The following ANO1 variants were observed in gnomAD, a reference collection of about 807,000 sequenced individuals.
The protein encoded by ANO1 is anoctamin 1, also known as anoctamin-1.
ANO1 carries 59 observed loss-of-function variants against 124.0 expected under a neutral mutation model. The observed-to-expected ratio is 0.48, with a 90% CI of 0.39 to 0.59. ANO1 has a LOEUF of 0.59. Ranked by LOEUF, ANO1 falls within the 20% of genes least tolerant of loss-of-function variation. ANO1 has a pLI of 0.00. For synonymous variants in ANO1, 529 were observed against 532.0 expected, an observed-to-expected ratio of 0.99 and a Z score of 0.08; for missense variants, 1,059 against 1,328.0, an observed-to-expected ratio of 0.80 and a Z score of 3.15.
chr11:69,976,402 G>C, the ANO1 span, among the ~76,000 whole-genome samples: 1 of 151,890 alleles, frequency 6.6e-6, no homozygotes, highest in Non-Finnish European at 1.5e-5. Flanking sequence ...AGCTACTCGG[G>C]AGGCTGAGGC....
At chr11:70,044,012 A>T (rs1322356841) in intron 1 of ANO1, among the ~76,000 whole-genome samples, 1 of 152,090 alleles carries the variant, frequency 6.6e-6, no homozygotes, top group Admixed American at 6.6e-5. Flanking sequence ...GCACTATGAC[A>T]TACATAGAAA....
chr11:70,149,404 A>G (rs1229909039), intron 11 of ANO1: 1 of 371,902 alleles, frequency 2.7e-6, no homozygotes, highest in Non-Finnish European at 5.1e-6. Context: ...TAGTCCCCAC[A>G]CTTTGGGAGG....
intron 1 of ANO1, among the ~76,000 whole-genome samples, chr11:69,987,672 G>A (rs1856073912): frequency 6.7e-6 from 1 of 149,274 alleles, no homozygotes; most frequent in Admixed American, 6.6e-5. Context: ...CAGTTGCTGT[G>A]AGGCCACTGC....
intron 7 of ANO1, 63 bp downstream of exon 7, chr11:70,111,825 A>T: frequency 1.3e-6 from 2 of 1,550,338 alleles, no homozygotes; most frequent in Non-Finnish European, 1.8e-6. Context: ...CCGCCGGGCC[A>T]CACCCCCCCG....
At chr11:69,996,541 C>T (rs1554998382) in intron 1 of ANO1, among the ~76,000 whole-genome samples, 1 of 152,098 alleles carries the variant, frequency 6.6e-6, no homozygotes, top group East Asian at 1.9e-4. Flanking sequence ...TTTTTCTGCC[C>T]TTAAAGAGGC....
intron 19 of ANO1, 84 bp downstream of exon 19, chr11:70,163,424 G>T: frequency 6.7e-7 from 1 of 1,503,658 alleles, no homozygotes. Context: ...AGAAGCAGCT[G>T]CAGCACATTT....
chr11:70,154,557 CCCAGGTTCA>C (rs1164061348), intron 14 of ANO1, among the ~76,000 whole-genome samples: 2 of 149,516 alleles, frequency 1.3e-5, no homozygotes, highest in African/African-American at 4.9e-5. Context: ...AGCTCTGCCT[CCCAGGTTCA>C]CGCCATTCTC....
At chr11:70,055,778 CT>C (rs1565169909) in intron 1 of ANO1, among the ~76,000 whole-genome samples, 2 of 151,904 alleles carry the variant, frequency 1.3e-5, no homozygotes, top group East Asian at 1.9e-4. Context: ...TTAATCAATT[CT>C]TTTTTTTAAT....
At chr11:70,085,305 C>A (rs1043461022) in intron 1 of ANO1, 10 of 1,342,290 alleles carry the variant, frequency 7.4e-6, no homozygotes, top group Non-Finnish European at 9.8e-6. Flanking sequence ...AAAAGCCAGC[C>A]CTCCCCCACC....
intron 1 of ANO1, among the ~76,000 whole-genome samples, chr11:69,997,710 C>T (rs1591023944): frequency 6.6e-6 from 1 of 152,136 alleles, no homozygotes. Flanking sequence ...GTTTGGCAAC[C>T]GTTCCCCTTA....
intron 1 of ANO1, among the ~76,000 whole-genome samples, chr11:70,079,190 G>A (rs185019375): frequency 1.3e-5 from 2 of 152,142 alleles, no homozygotes; most frequent in Non-Finnish European, 2.9e-5. Context: ...GTAACTGCCA[G>A]GCCCCACTGC....
upstream of ANO1, among the ~76,000 whole-genome samples, chr11:69,982,187 C>G (rs1479726877): frequency 1.3e-5 from 2 of 152,190 alleles, no homozygotes; most frequent in Non-Finnish European, 1.5e-5. Flanking sequence ...GTGAATGTCA[C>G]CCCAGTGAAT....
intron 1 of ANO1, among the ~76,000 whole-genome samples, chr11:69,988,544 G>A (rs1266864853): frequency 4.6e-5 from 7 of 152,176 alleles, no homozygotes; most frequent in Non-Finnish European, 7.3e-5. Context: ...TGACCCAGGT[G>A]TGAAGTCACA....
At chr11:70,139,340 A>G (rs868448685) in intron 11 of ANO1, among the ~76,000 whole-genome samples, 40 of 150,642 alleles carry the variant, frequency 2.7e-4, no homozygotes, top group African/African-American at 9.3e-4. Context: ...TATTTTTAGT[A>G]GAGACGGTGT....
rs1555008734 is a variant in ANO1 at position 70,067,323 on chromosome 11, G to GGTTT, written c.59-11219_59-11218insGTTT. The stretch of plus-strand genomic sequence containing the variant: ...TCCAAGGGGACAAGGAATCGTGGGT[G>GGTTT]TTTTTTTTTTTTTTTTTTTTTTGAG... On this transcript the variant is annotated intron_variant, in intron 1 of 27. Transcript: ENST00000531349. Among the ~76,000 whole-genome samples the GGTTT allele has an allele frequency of 1.8e-4, 23 of 126,526 alleles. 9 individuals carry two copies. The highest frequency in any genetic ancestry group is 1.6e-4 in the Admixed American group (2 of 12,458). 83.0% of individuals were successfully genotyped at this position (126,526 alleles called of 152,430 possible). A position where few individuals can be genotyped will look rare whatever the true frequency, so the allele number is the denominator to read the frequency against.
chr11:69,979,666 A>G, the ANO1 span, among the ~76,000 whole-genome samples: 1 of 152,176 alleles, frequency 6.6e-6, no homozygotes, highest in African/African-American at 2.4e-5. Context: ...TGCGTAACAC[A>G]CAGAAGCAAT....
rs1225376955 is a variant in ANO1, at chr11:70,187,872, G to A, written c.2829G>A (p.Gln943=). ...LFMREEQDKQ[Q]LLETWMEKER... is the part of the protein sequence containing the mutation. ...TGCGGGAGGAGCAAGACAAGCAGCAGCTGCTGGAAACCTGGATGGAGAAGG... is the reference window on the plus strand; with the variant it reads ...TGCGGGAGGAGCAAGACAAGCAGCAACTGCTGGAAACCTGGATGGAGAAGG... Residue 943 remains glutamine, a synonymous_variant, in exon 26 of 26, where the codon CAG becomes CAA. Transcript: ENST00000355303. The A allele has an allele frequency of 6.2e-7, 1 of 1,606,266 alleles. No individual in the cohort carries two copies. Among genetic ancestry groups the A allele is most frequent in the East Asian group, 2.2e-5 (1 of 44,668 alleles).
the ANO1 span, among the ~76,000 whole-genome samples, chr11:69,967,258 C>T: frequency 2.7e-5 from 4 of 150,700 alleles, no homozygotes; most frequent in East Asian, 3.9e-4. Flanking sequence ...AGGTTCCGAG[C>T]GCCTGTATTG....
intron 8 of ANO1, among the ~76,000 whole-genome samples, chr11:70,122,711 C>T (rs534922251): frequency 2.0e-5 from 3 of 151,794 alleles, no homozygotes; most frequent in East Asian, 1.9e-4. Context: ...CTGTCTCTCT[C>T]GCTGCCTCTC....
Sources: gnomAD v4.1 joint callset for allele counts (sites outside exome capture counted in the v4.1 genomes callset) on GRCh38, gnomAD v4.1.1 for gene constraint, MANE v1.5 for transcripts, NCBI Gene and HGNC (gene_info 2026-07-23, HGNC 2026-07-21) for gene names.